SRGAP2B: variants seen among roughly 807,000 people sequenced by gnomAD.
SRGAP2B encodes SLIT-ROBO Rho GTPase activating protein 2B, also known as SLIT-ROBO Rho GTPase-activating protein 2B.
SRGAP2B carries 9 observed loss-of-function variants against 22.2 expected under a neutral mutation model. The observed-to-expected ratio is 0.41, with a 90% confidence interval of 0.24 to 0.71. The LOEUF is 0.71. Ranked by LOEUF, SRGAP2B falls within the 30% of genes least tolerant of loss-of-function variation. The pLI is 0.35. For synonymous variants in SRGAP2B, 36 were observed against 87.4 expected (o/e 0.41, Z 3.28); for missense variants, 114 against 235.8 (o/e 0.48, Z 3.38).
In SRGAP2B at chr1:144,985,596, G is replaced by T. The variant is rs587704447; in HGVS notation, c.260+9412C>A. 1.0e-3 allele frequency among the ~76,000 whole-genome samples: 157 copies of T among 150,870 alleles called. 5 individuals are homozygous for T. The South Asian group carries it at 0.032, about 30-fold the overall frequency. ...TTCCACTTAAAAGAGACAATCAAAG[G>T]CTCAGCAACGCATAGGAATACATTT... On this transcript the variant is annotated intron_variant, in intron 3 of 9. Coordinates refer to ENST00000612199, the Ensembl canonical transcript of SRGAP2B.
intron 2 of SRGAP2B, among the ~76,000 whole-genome samples, chr1:145,007,746 G>C (rs1340266809): frequency 6.8e-6 from 1 of 146,802 alleles, no homozygotes; most frequent in Admixed American, 6.8e-5. Context: ...TATTTGTAAA[G>C]TTATTAGAAT....
chr1:145,022,324 C>G (rs587721886), intron 2 of SRGAP2B, among the ~76,000 whole-genome samples: 1 of 89,724 alleles, frequency 1.1e-5, no homozygotes. Flanking sequence ...ACCCCCTACC[C>G]CACCCCCCAA....
chr1:144,926,663 G>T (rs1454610270), intron 4 of SRGAP2B, among the ~76,000 whole-genome samples: 9 of 150,732 alleles, frequency 6.0e-5, no homozygotes, highest in Non-Finnish European at 1.0e-4. Flanking sequence ...TCAAGACCAG[G>T]CTGGGCAACA....
At chr1:144,983,357 GCA>G (rs1427239609) in intron 3 of SRGAP2B, among the ~76,000 whole-genome samples, 3 of 81,766 alleles carry the variant, frequency 3.7e-5, no homozygotes, top group African/African-American at 2.1e-4. Context: ...CAGAGATGGC[GCA>G]CATTCAAATA....
At chr1:144,955,215 A>AG (rs1386153934) in intron 4 of SRGAP2B, among the ~76,000 whole-genome samples, 4 of 150,024 alleles carry the variant, frequency 2.7e-5, no homozygotes, top group Non-Finnish European at 4.4e-5. Flanking sequence ...AAGCCTATGA[A>AG]GTGGGCCAAT....
At chr1:144,991,074 C>G (rs371237246) in intron 3 of SRGAP2B, among the ~76,000 whole-genome samples, 1 of 150,860 alleles carries the variant, frequency 6.6e-6, no homozygotes, top group Non-Finnish European at 1.5e-5. Context: ...CACCTGCAGC[C>G]CCGGTGCGGG....
intron 2 of SRGAP2B, among the ~76,000 whole-genome samples, chr1:145,064,934 A>G: frequency 6.8e-6 from 1 of 147,024 alleles, no homozygotes; most frequent in South Asian, 2.3e-4. Context: ...CCTATCTTCC[A>G]TCTTGCTGGT....
At chr1:144,971,874 C>A (rs587756125) in intron 3 of SRGAP2B, among the ~76,000 whole-genome samples, 1 of 150,740 alleles carries the variant, frequency 6.6e-6, no homozygotes, top group Admixed American at 6.6e-5. Flanking sequence ...GGGCAAGAAT[C>A]CAGGTCTCCT....
chr1:144,908,307 A>G (rs1170579548), intron 5 of SRGAP2B, among the ~76,000 whole-genome samples: 20 of 149,952 alleles, frequency 1.3e-4, no homozygotes, highest in African/African-American at 3.8e-4. Context: ...AAAGAATAGC[A>G]CTACCAAGTC....
chr1:145,030,714 AAAAAAAAATATATATATATATAT>A, intron 2 of SRGAP2B, among the ~76,000 whole-genome samples: 1 of 70,354 alleles, frequency 1.4e-5, no homozygotes, highest in East Asian at 3.2e-4. Context: ...AAAAAAAAAA[AAAAAAAAATATATATATATATAT>A]ATATATATAT....
At chr1:144,973,294 G>C (rs1253094997) in intron 3 of SRGAP2B, among the ~76,000 whole-genome samples, 2 of 146,178 alleles carry the variant, frequency 1.4e-5, no homozygotes, top group East Asian at 3.9e-4. Context: ...CCAGAGTAAT[G>C]GTCTTAAATT....
intron 2 of SRGAP2B, among the ~76,000 whole-genome samples, chr1:145,068,984 CAGA>C (rs1293327375): frequency 5.6e-5 from 8 of 142,444 alleles, no homozygotes; most frequent in Admixed American, 2.9e-4. Flanking sequence ...AACATGTAAC[CAGA>C]AGAACTGCTG....
At chr1:144,993,032 C>A (rs1293899330) in intron 3 of SRGAP2B, among the ~76,000 whole-genome samples, 6 of 151,492 alleles carry the variant, frequency 4.0e-5, no homozygotes, top group Non-Finnish European at 8.8e-5. Context: ...GAACAGGGAG[C>A]ACCTGAGATG....
intron 2 of SRGAP2B, among the ~76,000 whole-genome samples, chr1:144,999,067 G>T (rs587720874): frequency 6.6e-6 from 1 of 150,554 alleles, no homozygotes; most frequent in African/African-American, 2.5e-5. Context: ...GTGCTTAGGC[G>T]ATCATGCATG....
intron 3 of SRGAP2B, among the ~76,000 whole-genome samples, chr1:144,964,510 A>G (rs1667916100): frequency 6.6e-6 from 1 of 150,778 alleles, no homozygotes; most frequent in South Asian, 2.1e-4. Flanking sequence ...CTTTACTGGC[A>G]AAACTTTAAA....
At chr1:144,917,894 G>T (rs1483426327) in intron 4 of SRGAP2B, 1 of 68,774 alleles carries the variant, frequency 1.5e-5, no homozygotes, top group East Asian at 3.5e-4. Context: ...TTGGGGGAAA[G>T]CGTGGCCCCA....
intron 2 of SRGAP2B, among the ~76,000 whole-genome samples, chr1:145,022,680 A>T (rs6600718): frequency 0.01 from 1,519 of 150,180 alleles, 56 homozygotes; most frequent in African/African-American, 0.034. Flanking sequence ...AAGCTAAACA[A>T]TCAGTCTAAC....
At chr1:144,940,654 T>A (rs587669492) in intron 4 of SRGAP2B, among the ~76,000 whole-genome samples, 6 of 146,084 alleles carry the variant, frequency 4.1e-5, no homozygotes, top group Admixed American at 4.1e-4. Flanking sequence ...CACAAAAAAC[T>A]TAGCTGGATG....
chr1:144,967,480 G>A (rs1381249097), intron 3 of SRGAP2B, among the ~76,000 whole-genome samples: 13 of 142,784 alleles, frequency 9.1e-5, no homozygotes, highest in East Asian at 2.1e-4. Flanking sequence ...TCTCTGGGAC[G>A]CATTCAAAGC....
Sources: gnomAD v4.1 joint callset for allele counts (sites outside exome capture counted in the v4.1 genomes callset) on GRCh38, gnomAD v4.1.1 for gene constraint, MANE v1.5 for transcripts, NCBI Gene and HGNC (gene_info 2026-07-23, HGNC 2026-07-21) for gene names.